Variants in MCC observed in about 807,000 individuals in gnomAD.
MCC encodes colorectal mutant cancer protein.
MCC carries 90 observed loss-of-function variants against 116.2 expected under a neutral mutation model. The ratio of observed to expected loss-of-function variants is 0.77; its 90% CI spans 0.65 to 0.92. MCC has a LOEUF of 0.92. MCC is among the 40% of genes least tolerant of loss of function. The pLI is 0.00. For missense variants in MCC, 1,516 were observed against 1,312.2 expected, an observed-to-expected ratio of 1.16 and a Z score of -2.40; for synonymous variants, 578 against 510.5, an observed-to-expected ratio of 1.13 and a Z score of -1.78.
chr5:113,392,636 T>C (rs770710283), intron 1 of MCC, among the ~76,000 whole-genome samples: 2 of 152,124 alleles, frequency 1.3e-5, no homozygotes, highest in Admixed American at 6.6e-5. Context: ...CAGCAAAGAA[T>C]TGAGAAGAGG....
At position 113,434,075 on chromosome 5, in the gene MCC, G is replaced by T. The variant is rs557720227; in HGVS notation, c.171-48863C>A. 6 of 1,614,118 alleles carry T rather than the reference G, an allele frequency of 3.7e-6. No homozygotes were observed. In the East Asian group the frequency reaches 1.1e-4, roughly 30 times the overall value. On this transcript the variant is annotated intron_variant, in intron 1 of 18. Coordinates refer to ENST00000408903, the MANE Select transcript of MCC (RefSeq NM_001085377.2). This position sits in a 1 kb window ranked among gnomAD's most constrained non-coding sequence, Gnocchi z 4.2. The stretch of plus-strand genomic sequence containing the variant: ...CGATGTGGAGCCGCCGGTTGACGTC[G>T]GGCTGCAGCATGTGGTAGATGAGGT...
chr5:113,034,754 C>T (rs1751215490), intron 17 of MCC, among the ~76,000 whole-genome samples: 1 of 152,104 alleles, frequency 6.6e-6, no homozygotes, highest in Admixed American at 6.5e-5. Context: ...CTGAGCTCAC[C>T]AGTGAGCTCC....
intron 1 of MCC, among the ~76,000 whole-genome samples, chr5:113,411,385 G>T (rs973227527): frequency 1.3e-5 from 2 of 152,136 alleles, no homozygotes; most frequent in African/African-American, 4.8e-5. Context: ...TCATGTGTCT[G>T]TTGGCTGCAT....
intron 8 of MCC, among the ~76,000 whole-genome samples, chr5:113,098,385 G>C (rs959569385): frequency 6.6e-6 from 1 of 152,340 alleles, no homozygotes; most frequent in African/African-American, 2.4e-5. Context: ...CAGGGACTGT[G>C]TCCTGTTCAT....
intron 2 of MCC, among the ~76,000 whole-genome samples, chr5:113,379,240 A>T (rs1248076558): frequency 6.6e-6 from 1 of 152,234 alleles, no homozygotes; most frequent in Non-Finnish European, 1.5e-5. Context: ...CAACAGACTG[A>T]GTGTTCTCTA....
chr5:113,215,325 T>C (rs1490872300), intron 3 of MCC, among the ~76,000 whole-genome samples: 1 of 152,194 alleles, frequency 6.6e-6, no homozygotes, highest in Non-Finnish European at 1.5e-5. Flanking sequence ...TTAAGAGATG[T>C]TTCTTAATAT....
chr5:113,369,555 C>T (rs1768788554), intron 2 of MCC, among the ~76,000 whole-genome samples: 2 of 152,092 alleles, frequency 1.3e-5, no homozygotes, highest in East Asian at 3.9e-4. Context: ...TCTCTGTTCC[C>T]TTTAAGTTAC....
intron 5 of MCC, among the ~76,000 whole-genome samples, chr5:113,126,071 T>A (rs1758032831): frequency 6.6e-6 from 1 of 152,216 alleles, no homozygotes; most frequent in Non-Finnish European, 1.5e-5. Context: ...GTGTTTCTCC[T>A]TGGAACATAA....
chr5:113,274,323 AC>A (rs1765732404), intron 3 of MCC, among the ~76,000 whole-genome samples: 1 of 152,340 alleles, frequency 6.6e-6, no homozygotes, highest in African/African-American at 2.4e-5. Flanking sequence ...AAGCATTTGT[AC>A]TAAGGTGAGA....
intron 3 of MCC, among the ~76,000 whole-genome samples, chr5:113,280,215 T>G (rs534107930): frequency 6.6e-6 from 1 of 152,180 alleles, no homozygotes; most frequent in African/African-American, 2.4e-5. Flanking sequence ...CAGAAGTAGA[T>G]AGAGGCGAGC....
intron 5 of MCC, 111 bp from the exon 6 acceptor site, chr5:113,122,937 C>G (rs894170484): frequency 8.9e-7 from 1 of 1,125,016 alleles, no homozygotes; most frequent in Non-Finnish European, 1.3e-6. Flanking sequence ...ACAGATTTCT[C>G]CCCCAGGCCA....
At chr5:113,063,893 G>A in intron 14 of MCC, 91 bp downstream of exon 14, 1 of 1,388,442 alleles carries the variant, frequency 7.2e-7, no homozygotes, top group Non-Finnish European at 9.8e-7. Flanking sequence ...AAGCCACACA[G>A]TCCCCAAGAG....
In MCC at chr5:113,333,844, T is replaced by TACATATATGTACATATGTAC. The variant is rs368087327; in HGVS notation, c.627+6674_627+6675insGTACATATGTACATATATGT. The stretch of plus-strand genomic sequence containing the variant: ...ACATATATGTATATATGTATATATG[T>TACATATATGTACATATGTAC]ATATATGTACATATATGTATATATG... On this transcript the variant is annotated intron_variant, in intron 3 of 18. Transcript: ENST00000408903. 1.3e-4 allele frequency among the ~76,000 whole-genome samples: 7 copies of TACATATATGTACATATGTAC among 52,178 alleles called. 1 individual carries two copies. The highest frequency in any genetic ancestry group is 3.5e-4 in the East Asian group (1 of 2,844). The allele number at this position is 52,178 out of a possible 152,430, so 34.2% of individuals were successfully genotyped here. A position where few individuals can be genotyped will look rare whatever the true frequency, so the allele number is the denominator to read the frequency against.
At chr5:113,451,314 C>T (rs900815767) in intron 1 of MCC, among the ~76,000 whole-genome samples, 1 of 152,246 alleles carries the variant, frequency 6.6e-6, no homozygotes, top group Non-Finnish European at 1.5e-5. Context: ...GAAAGAATAA[C>T]GATTTAGCAA....
chr5:113,184,472 GTTTTTTGTTTTT>G (rs1158739792), intron 3 of MCC, among the ~76,000 whole-genome samples: 1 of 123,800 alleles, frequency 8.1e-6, no homozygotes, highest in Non-Finnish European at 1.6e-5. Context: ...TTCTTTCTTC[GTTTTTTGTTTTT>G]TTTTTTTTTT....
chr5:113,281,893 C>T (rs1766060170), intron 3 of MCC, among the ~76,000 whole-genome samples: 1 of 152,196 alleles, frequency 6.6e-6, no homozygotes, highest in African/African-American at 2.4e-5. Context: ...TTGGCATCTT[C>T]AGCAAGTAGG....
intron 3 of MCC, among the ~76,000 whole-genome samples, chr5:113,169,663 G>A (rs563374811): frequency 1.3e-5 from 2 of 152,234 alleles, no homozygotes; most frequent in East Asian, 3.9e-4. Flanking sequence ...GAGACACAAG[G>A]GTAGGTTTCT....
In MCC at chr5:113,040,524, C is replaced by G. The variant is rs191537979; in HGVS notation, c.2756+3006G>C. Among the ~76,000 whole-genome samples the G allele has an allele frequency of 2.6e-5, 4 of 152,232 alleles. No homozygotes were observed. In the East Asian group the frequency reaches 7.7e-4, roughly 29 times the overall value. Reference sequence around the variant, plus strand: ...TGCTGGTAAGATTCCCCCAGCTGACCTCAACCATAAGCTCGGCTGTGATTT... The same window carrying G: ...TGCTGGTAAGATTCCCCCAGCTGACGTCAACCATAAGCTCGGCTGTGATTT... On this transcript the variant is annotated intron_variant, in intron 17 of 18. Coordinates refer to ENST00000408903, the MANE Select transcript of MCC (RefSeq NM_001085377.2).
chr5:113,441,709 G>A (rs1310354161), intron 1 of MCC, among the ~76,000 whole-genome samples: 2 of 152,126 alleles, frequency 1.3e-5, no homozygotes, highest in African/African-American at 4.8e-5. Flanking sequence ...GTGTCCACAT[G>A]TTCTCATTGT....
Sources: gnomAD v4.1 joint callset for allele counts (sites outside exome capture counted in the v4.1 genomes callset) on GRCh38, gnomAD v4.1.1 for gene constraint, Gnocchi (gnomAD v3.1) non-coding constraint, MANE v1.5 for transcripts, NCBI Gene and HGNC (gene_info 2026-07-23, HGNC 2026-07-21) for gene names.